Variants in MYO19 observed in about 807,000 individuals in gnomAD.
The protein encoded by MYO19 is unconventional myosin-XIX.
A neutral mutation model predicts 129.2 loss-of-function variants in MYO19; 132 were observed. That is an observed-to-expected ratio of 1.02 (90% CI 0.89 to 1.18). The LOEUF (loss-of-function observed/expected upper bound fraction) is 1.18, where lower values mean the gene tolerates loss of function less well. Ranked by LOEUF, MYO19 falls within the 50% of genes most tolerant of loss-of-function variation. The pLI, the probability that MYO19 is intolerant of heterozygous loss-of-function variation, is 0.00. For synonymous variants in MYO19, 531 were observed against 477.2 expected (o/e 1.11, Z -1.47); for missense variants, 1,210 against 1,216.7 (o/e 0.99, Z 0.08).
At chr17:36,535,542 G>T (rs563186413), upstream of MYO19, 185 of 152,386 alleles carry the variant, frequency 1.2e-3, 1 homozygote, top group African/African-American at 4.3e-3. Context: ...GCGGCAGTCC[G>T]GCTGCCCTTC....
At chr17:36,511,226 TC>T (rs1422725971) in intron 12 of MYO19, 138 bp downstream of exon 12, 1 of 891,248 alleles carries the variant, frequency 1.1e-6, no homozygotes, top group Admixed American at 2.2e-5. Flanking sequence ...GAGTAAATGA[TC>T]CAGGGCCAGG....
intron 13 of MYO19, chr17:36,509,368 A>C: frequency 1.7e-6 from 1 of 579,530 alleles, no homozygotes; most frequent in Non-Finnish European, 3.1e-6. Flanking sequence ...GCATGTCCTT[A>C]TGGGAAGACT....
chr17:36,531,582 A>G (rs1487983881), intron 3 of MYO19, among the ~76,000 whole-genome samples: 1 of 151,876 alleles, frequency 6.6e-6, no homozygotes, highest in African/African-American at 2.4e-5. Flanking sequence ...GTATTGATAT[A>G]CCTTTTTTTT....
At chr17:36,536,189 G>A (rs1456212654), upstream of MYO19, among the ~76,000 whole-genome samples, 5 of 152,072 alleles carry the variant, frequency 3.3e-5, no homozygotes, top group Non-Finnish European at 5.9e-5. Flanking sequence ...TGCACCCACC[G>A]TACCTACTTC....
In MYO19 at chr17:36,496,197, C is replaced by G; in HGVS notation, c.*54G>C. The stretch of plus-strand genomic sequence containing the variant: ...TGGCAGCTGTGTGCTGATTAAATGT[C>G]TTTGGCAAGGCAGGGGGCAGGAAAA... On this transcript the variant is annotated 3_prime_UTR_variant, in exon 26 of 26. Transcript: ENST00000614623. 6.2e-7 allele frequency: 1 copy of G among 1,603,946 alleles called. No homozygotes were observed. The highest frequency in any genetic ancestry group is 8.5e-7 in the Non-Finnish European group (1 of 1,173,372).
At chr17:36,496,429 G>C (rs1296949262) in intron 25 of MYO19, 23 bp from the exon 26 acceptor site, 4 of 1,612,632 alleles carry the variant, frequency 2.5e-6, no homozygotes, top group Non-Finnish European at 3.4e-6. Flanking sequence ...GAGAGATGCA[G>C]CTTTAGCACT....
chr17:36,516,634 T>C (rs774326566), intron 6 of MYO19, among the ~76,000 whole-genome samples: 1 of 152,098 alleles, frequency 6.6e-6, no homozygotes, highest in African/African-American at 2.4e-5. Flanking sequence ...CCTCCCAAAG[T>C]GGGATTACAG....
intron 13 of MYO19, among the ~76,000 whole-genome samples, chr17:36,510,472 G>A (rs2072240080): frequency 6.6e-6 from 1 of 152,228 alleles, no homozygotes; most frequent in Non-Finnish European, 1.5e-5. Flanking sequence ...CCTTGCTGAG[G>A]CTAAAGCAGC....
intron 20 of MYO19, among the ~76,000 whole-genome samples, chr17:36,503,569 C>T (rs1319285677): frequency 1.3e-5 from 2 of 152,210 alleles, no homozygotes; most frequent in African/African-American, 4.8e-5. Flanking sequence ...TCCCCTCTGA[C>T]CTCTCTGACC....
rs756160895 is a variant in MYO19, at chr17:36,511,383, G to A, written c.967C>T (p.Pro323Ser). 8 of 1,576,818 alleles carry A rather than the reference G, an allele frequency of 5.1e-6. No homozygotes were observed. The highest frequency in any genetic ancestry group is 6.9e-6 in the Non-Finnish European group (8 of 1,161,536). The change falls in exon 12 of 26, where the codon CCG becomes TCG. Residue 323 changes from proline (P) to serine (S), a missense_variant. By Grantham distance (74) the Pro-to-Ser change is moderately conservative. Transcript: ENST00000614623. ...CCCTCACACTTGGCATCATCCATCG[G>A]CTGGCAGGGCTGGGCTTCATCCTCG... The part of the protein sequence containing the change: ...ASEDEAQPCQ[P>S]MDDAKYSVRT...
intron 6 of MYO19, 126 bp from the exon 7 acceptor site, chr17:36,516,116 G>A: frequency 8.6e-7 from 1 of 1,163,288 alleles, no homozygotes; most frequent in Non-Finnish European, 1.2e-6. Context: ...ATGGGTGAAG[G>A]CAGAATTCAA....
intron 18 of MYO19, among the ~76,000 whole-genome samples, chr17:36,506,021 T>C (rs1387147354): frequency 2.6e-5 from 4 of 152,076 alleles, no homozygotes; most frequent in Non-Finnish European, 5.9e-5. Context: ...GTGGAGCTGA[T>C]GGGGCAGTAG....
chr17:36,523,024 CAAA>C (rs549906768), intron 6 of MYO19, among the ~76,000 whole-genome samples: 7 of 111,150 alleles, frequency 6.3e-5, no homozygotes, highest in African/African-American at 2.3e-4. Context: ...AAACAAAAAA[CAAA>C]AAAAAAAAAC....
At chr17:36,533,492 A>G (rs2073950295) in intron 2 of MYO19, 1 of 152,190 alleles carries the variant, frequency 6.6e-6, no homozygotes, top group Non-Finnish European at 1.5e-5. Flanking sequence ...CCTAGCAAGG[A>G]GAGATGAGGC....
At chr17:36,509,522 G>A in intron 13 of MYO19, 1 of 241,242 alleles carries the variant, frequency 4.1e-6, no homozygotes, top group Non-Finnish European at 8.2e-6. Flanking sequence ...GAACACCCCT[G>A]CAAAACTCTA....
intron 5 of MYO19, among the ~76,000 whole-genome samples, chr17:36,527,167 A>AAAAT (rs1013454088): frequency 9.5e-5 from 14 of 148,054 alleles, no homozygotes; most frequent in South Asian, 4.5e-4. Flanking sequence ...ACTCCATCTC[A>AAAAT]AAATAAATAA....
chr17:36,497,538 C>T (rs564950763), intron 25 of MYO19: 10 of 984,614 alleles, frequency 1.0e-5, no homozygotes, highest in Non-Finnish European at 1.2e-5. Context: ...TGCTATGTCT[C>T]GTGAATTTTT....
At chr17:36,499,890 GCT>G (rs1428062137) in intron 23 of MYO19, 1 of 144,670 alleles carries the variant, frequency 6.9e-6, no homozygotes, top group African/African-American at 2.5e-5. Flanking sequence ...ACAGAGTCTT[GCT>G]CTGTCACCCA....
intron 6 of MYO19, 125 bp downstream of exon 6, chr17:36,525,103 C>T (rs1374999229): frequency 7.0e-6 from 5 of 714,044 alleles, no homozygotes; most frequent in Admixed American, 2.1e-5. Context: ...ACCCCAGCTT[C>T]AGCCAGCCTA....
Sources: allele counts gnomAD v4.1 joint callset (sites outside exome capture counted in the v4.1 genomes callset), GRCh38; gene constraint gnomAD v4.1.1; transcripts MANE v1.5; gene names NCBI Gene and HGNC (gene_info 2026-07-23, HGNC 2026-07-21).